The following RBBP8NL variants were observed in gnomAD, a reference collection of about 807,000 sequenced individuals.
The protein encoded by RBBP8NL is RBBP8 N-terminal like.
A neutral mutation model predicts 62.2 loss-of-function variants in RBBP8NL; 59 were observed. The observed-to-expected ratio is 0.95, with a 90% CI of 0.77 to 1.18. The LOEUF is 1.18. RBBP8NL is among the 50% of genes most tolerant of loss of function. RBBP8NL has a pLI of 0.00. For synonymous variants in RBBP8NL, 412 were observed against 394.1 expected, an observed-to-expected ratio of 1.05 and a Z score of -0.54; for missense variants, 896 against 899.5, an observed-to-expected ratio of 1.00 and a Z score of 0.05.
intron 1 of RBBP8NL, among the ~76,000 whole-genome samples, chr20:62,424,702 G>A (rs1988771158): frequency 1.3e-5 from 2 of 152,224 alleles, no homozygotes; most frequent in Admixed American, 1.3e-4. Context: ...ATGCACTGTG[G>A]GCCCTGCCTG....
intron 13 of RBBP8NL, 96 bp from the exon 14 acceptor site, chr20:62,411,092 C>T (rs1216901245): frequency 6.5e-5 from 51 of 785,436 alleles, no homozygotes; most frequent in South Asian, 5.9e-4. Context: ...CCTCTGGGCA[C>T]GGGGAGCTGG....
At chr20:62,411,193 T>C (rs1570023) in intron 13 of RBBP8NL, among the ~76,000 whole-genome samples, 197 bp from the exon 14 acceptor site, 23,964 of 152,144 alleles carry the variant, frequency 0.16, 2,019 homozygotes, top group Non-Finnish European at 0.17. Flanking sequence ...ACCCTGAGAA[T>C]TGGGTGGAGG....
intron 5 of RBBP8NL, 38 bp from the exon 6 acceptor site, chr20:62,416,274 G>A: frequency 2.2e-6 from 3 of 1,343,794 alleles, no homozygotes; most frequent in Non-Finnish European, 3.1e-6. Flanking sequence ...GCCAGGGGTT[G>A]GGGGGGACAG....
In RBBP8NL at chr20:62,416,862, C is replaced by G; in HGVS notation, c.211G>C (p.Gly71Arg). ...LRVLENRLRA[G>R]LCDRCMVTQE... ...GTGACCATGCAGCGGTCGCACAGGC[C>G]GGCCCGCAGCCTGCAGGGATGGGGA... The change falls in exon 5 of 14, where the codon GGC becomes CGC. Residue 71 changes from glycine (G) to arginine (R), a missense_variant. Gly to Arg is a moderately radical substitution (Grantham distance 125). Transcript: ENST00000252998. 3 of 1,561,826 alleles carry G rather than the reference C, an allele frequency of 1.9e-6. No individual in the cohort carries two copies. Among genetic ancestry groups the G allele is most frequent in the Non-Finnish European group, 2.6e-6 (3 of 1,154,060 alleles).
Position 62,412,713 on chromosome 20 carries a change from G to GTCGTGC in RBBP8NL, c.1781_1786dup (p.Ser594_Thr595dup), listed in dbSNP as rs746220179. The GTCGTGC allele has an allele frequency of 5.0e-6, 8 of 1,610,776 alleles. No homozygotes were observed. The East Asian group carries it at 1.8e-4, about 36-fold the overall frequency. Reference sequence around the variant, plus strand: ...GCAGATGCACTCAGGCCCCTCCCCGGTCGTGCTCGTAGTGGCCTCCGCCTG... The same window carrying GTCGTGC: ...GCAGATGCACTCAGGCCCCTCCCCGGTCGTGCTCGTGCTCGTAGTGGCCTCCGCCTG... On this transcript the variant is annotated inframe_insertion, in exon 13 of 14. Transcript: ENST00000252998.
At chr20:62,418,281 G>A (rs1350010956) in intron 3 of RBBP8NL, 142 bp downstream of exon 3, 10 of 855,172 alleles carry the variant, frequency 1.2e-5, no homozygotes, top group Non-Finnish European at 1.9e-5. Flanking sequence ...CCTTGGACAA[G>A]TGACTCCCCC....
Position 62,413,544 on chromosome 20 carries a change from T to C in RBBP8NL, c.1532A>G (p.Asp511Gly). The change falls in exon 11 of 14, where the codon GAC (aspartate) becomes GGC (glycine). Residue 511 changes from aspartate to glycine, a missense_variant and splice_region_variant. Asp to Gly is a moderately conservative substitution (Grantham distance 94). Coordinates refer to ENST00000252998, the MANE Select transcript of RBBP8NL (RefSeq NM_080833.3). ...PEQEEASTPM[D>G]PSRPLPGSQL... Reference sequence around the variant, plus strand: ...GGACCCTGGAAGTGGGCGTGAGGGGTCCTGGGGGGAGGCAAGTAGGTGGCT... The same window carrying C: ...GGACCCTGGAAGTGGGCGTGAGGGGCCCTGGGGGGAGGCAAGTAGGTGGCT... 6.6e-7 allele frequency: 1 copy of C among 1,520,282 alleles called. No homozygotes were observed. The highest frequency in any genetic ancestry group is 1.4e-5 in the African/African-American group (1 of 70,400). 94.2% of individuals were successfully genotyped at this position (1,520,282 alleles called of 1,614,324 possible).
At chr20:62,424,199 A>T in intron 1 of RBBP8NL, among the ~76,000 whole-genome samples, 1 of 142,628 alleles carries the variant, frequency 7.0e-6, no homozygotes, top group Non-Finnish European at 1.5e-5. Context: ...TCCAGGCTGG[A>T]GGGTCTCTGT....
At chr20:62,411,860 G>A (rs910654924) in intron 13 of RBBP8NL, among the ~76,000 whole-genome samples, 9 of 152,262 alleles carry the variant, frequency 5.9e-5, no homozygotes, top group East Asian at 1.9e-4. Flanking sequence ...CCGGGCAGAC[G>A]CAGGCCATGG....
intron 5 of RBBP8NL, 70 bp downstream of exon 5, chr20:62,416,690 G>A (rs1988574532): frequency 9.4e-7 from 1 of 1,069,322 alleles, no homozygotes; most frequent in South Asian, 1.4e-5. Context: ...GCCCCTACAT[G>A]GGCTGAACAG....
chr20:62,415,434 G>T, intron 8 of RBBP8NL, 144 bp downstream of exon 8: 5 of 1,355,708 alleles, frequency 3.7e-6, no homozygotes, highest in Non-Finnish European at 4.1e-6. Flanking sequence ...CAAATGGAGC[G>T]CAGTGGCTCC....
intron 13 of RBBP8NL, among the ~76,000 whole-genome samples, chr20:62,412,387 A>G (rs1293508062): frequency 6.6e-6 from 1 of 152,172 alleles, no homozygotes; most frequent in Admixed American, 6.5e-5. Flanking sequence ...TGAGGCTCAG[A>G]TTTGGAAGGA....
At chr20:62,424,613 G>A (rs796068818) in intron 1 of RBBP8NL, among the ~76,000 whole-genome samples, 8 of 152,300 alleles carry the variant, frequency 5.3e-5, no homozygotes, top group African/African-American at 1.9e-4. Flanking sequence ...CCCCCGGACA[G>A]GGCCCAGGAG....
In RBBP8NL at chr20:62,414,291, C is replaced by A; in HGVS notation, c.1060G>T (p.Ala354Ser). 1 of 1,575,734 alleles carries A rather than the reference C, an allele frequency of 6.3e-7. No homozygotes were observed. Among genetic ancestry groups the A allele is most frequent in the African/African-American group, 1.3e-5 (1 of 74,422 alleles). Reference sequence around the variant, plus strand: ...TGCTGGGCCAGGAGCAGGTGCAGTGCCCCCTCCAGGCGAAGGTCCTGCATG... The same window carrying A: ...TGCTGGGCCAGGAGCAGGTGCAGTGACCCCTCCAGGCGAAGGTCCTGCATG... ...AGMQDLRLEGALHLLLAQQQL... is the reference protein window; with the variant it reads ...AGMQDLRLEGSLHLLLAQQQL... The change falls in exon 10 of 14, where the codon GCA becomes TCA. Residue 354 changes from alanine to serine, a missense_variant. Coordinates refer to ENST00000252998, the MANE Select transcript of RBBP8NL (RefSeq NM_080833.3).
intron 2 of RBBP8NL, 112 bp from the exon 3 acceptor site, chr20:62,418,577 C>T: frequency 2.7e-6 from 3 of 1,099,644 alleles, no homozygotes; most frequent in South Asian, 1.3e-5. Flanking sequence ...GTCCCCTGCA[C>T]CCCCTGGGGG....
At chr20:62,419,427 C>T (rs1988651665) in intron 2 of RBBP8NL, among the ~76,000 whole-genome samples, 160 bp downstream of exon 2, 1 of 152,146 alleles carries the variant, frequency 6.6e-6, no homozygotes, top group Non-Finnish European at 1.5e-5. Context: ...AGCTCTGGGC[C>T]TTGGGTCAGG....
At chr20:62,423,570 A>G (rs1988750860) in intron 1 of RBBP8NL, among the ~76,000 whole-genome samples, 1 of 152,058 alleles carries the variant, frequency 6.6e-6, no homozygotes, top group African/African-American at 2.4e-5. Flanking sequence ...GGCTGGGCCG[A>G]CGCCCATAAA....
intron 1 of RBBP8NL, among the ~76,000 whole-genome samples, chr20:62,425,563 G>A (rs1988785942): frequency 1.3e-5 from 2 of 152,236 alleles, no homozygotes; most frequent in Non-Finnish European, 2.9e-5. Context: ...AGTGATGCCT[G>A]TTCTTACCCT....
At chr20:62,416,280 GACAGGGGCAGGGGT>G in intron 5 of RBBP8NL, 44 bp from the exon 6 acceptor site, 2 of 602,860 alleles carry the variant, frequency 3.3e-6, no homozygotes, top group Admixed American at 2.4e-5. Flanking sequence ...GGTTGGGGGG[GACAGGGGCAGGGGT>G]GGGGTCGTCA....
Sources: allele counts gnomAD v4.1 joint callset (sites outside exome capture counted in the v4.1 genomes callset), GRCh38; gene constraint gnomAD v4.1.1; transcripts MANE v1.5; gene names NCBI Gene and HGNC (gene_info 2026-07-23, HGNC 2026-07-21).